CHST11: variants seen among roughly 807,000 people sequenced by gnomAD.
CHST11 encodes the protein C4S-1.
In CHST11, 9 loss-of-function variants were observed where a neutral mutation model predicts 30.4. The ratio of observed to expected loss-of-function variants is 0.30; its 90% CI spans 0.18 to 0.52. CHST11 has a LOEUF of 0.52. Ranked by LOEUF, CHST11 falls within the 20% of genes least tolerant of loss-of-function variation. The pLI is 0.97. For missense variants in CHST11, 348 were observed against 460.6 expected, an observed-to-expected ratio of 0.76 and a Z score of 2.24; for synonymous variants, 152 against 187.8, an observed-to-expected ratio of 0.81 and a Z score of 1.56.
At chr12:104,658,036 G>A (rs775024253) in intron 2 of CHST11, among the ~76,000 whole-genome samples, 5 of 152,150 alleles carry the variant, frequency 3.3e-5, no homozygotes, top group African/African-American at 4.8e-5. Flanking sequence ...CAGACCCGCC[G>A]AGGCCAGCCA....
intron 1 of CHST11, among the ~76,000 whole-genome samples, chr12:104,510,462 T>C (rs571396336): frequency 2.6e-5 from 4 of 152,344 alleles, no homozygotes; most frequent in South Asian, 2.1e-4. Context: ...GACTGAATGT[T>C]TATATGGCTG....
intron 1 of CHST11, among the ~76,000 whole-genome samples, chr12:104,470,121 C>T (rs908179110): frequency 1.3e-5 from 2 of 152,334 alleles, no homozygotes; most frequent in African/African-American, 4.8e-5. Context: ...TGCTGTTAAA[C>T]ATCCTACAAT....
chr12:104,706,110 A>G (rs879874138), intron 2 of CHST11, among the ~76,000 whole-genome samples: 3 of 151,738 alleles, frequency 2.0e-5, no homozygotes, highest in Non-Finnish European at 4.4e-5. Context: ...ATTGGTGGGT[A>G]CAGTGGCTCA....
intron 1 of CHST11, among the ~76,000 whole-genome samples, chr12:104,538,440 G>A (rs970830494): frequency 2.6e-5 from 4 of 152,038 alleles, no homozygotes; most frequent in African/African-American, 4.8e-5. Context: ...AGTAGTGTTC[G>A]TTGAGTTTTT....
chr12:104,509,063 A>G (rs147530505), intron 1 of CHST11, among the ~76,000 whole-genome samples: 16 of 152,252 alleles, frequency 1.1e-4, no homozygotes, highest in African/African-American at 3.9e-4. Context: ...CCCCCAAACA[A>G]GTAGTAACAT....
chr12:104,544,475 G>A (rs1184134279), intron 1 of CHST11, among the ~76,000 whole-genome samples: 1 of 152,068 alleles, frequency 6.6e-6, no homozygotes, highest in Non-Finnish European at 1.5e-5. Context: ...CCAGCACTTT[G>A]GCGGGGGGAT....
At chr12:104,502,335 T>C (rs1565965470) in intron 1 of CHST11, among the ~76,000 whole-genome samples, 1 of 152,156 alleles carries the variant, frequency 6.6e-6, no homozygotes, top group Non-Finnish European at 1.5e-5. Context: ...ATGTGAGCTA[T>C]TGTGCCCAGA....
chr12:104,510,039 G>A (rs1158386037), intron 1 of CHST11, among the ~76,000 whole-genome samples: 1 of 152,124 alleles, frequency 6.6e-6, no homozygotes, highest in African/African-American at 2.4e-5. Flanking sequence ...TTGGCATCTA[G>A]CTGGAGGGGA....
intron 2 of CHST11, among the ~76,000 whole-genome samples, chr12:104,669,239 C>A (rs2039668701): frequency 1.3e-5 from 2 of 152,212 alleles, no homozygotes; most frequent in Admixed American, 1.3e-4. Flanking sequence ...CCCGCCAGCT[C>A]CACGCCCTCC....
chr12:104,633,861 C>G (rs2039297276), intron 2 of CHST11, among the ~76,000 whole-genome samples: 1 of 152,292 alleles, frequency 6.6e-6, no homozygotes, highest in Non-Finnish European at 1.5e-5. Context: ...ATCTTCCTGT[C>G]CTCTGCCACT....
chr12:104,645,995 C>A (rs548648470), intron 2 of CHST11, among the ~76,000 whole-genome samples: 1 of 152,230 alleles, frequency 6.6e-6, no homozygotes, highest in Non-Finnish European at 1.5e-5. Context: ...TACTCTCCAG[C>A]GCTTTGCTCA....
chr12:104,561,422 A>G (rs2038512750), intron 1 of CHST11, among the ~76,000 whole-genome samples: 2 of 152,232 alleles, frequency 1.3e-5, no homozygotes, highest in African/African-American at 2.4e-5. Context: ...GAACTGGGCC[A>G]TGTGGTGTAC....
intron 2 of CHST11, among the ~76,000 whole-genome samples, chr12:104,669,416 A>C (rs538582525): frequency 1.5e-5 from 2 of 129,130 alleles, no homozygotes; most frequent in African/African-American, 3.0e-5. Context: ...AAATGGTGCA[A>C]ATGATTTTTT....
At chr12:104,500,963 A>T (rs2037848255) in intron 1 of CHST11, among the ~76,000 whole-genome samples, 1 of 152,118 alleles carries the variant, frequency 6.6e-6, no homozygotes, top group South Asian at 2.1e-4. Flanking sequence ...TGCCCTTGTG[A>T]GGAGGTTGGA....
At chr12:104,575,188 G>A (rs1379576920) in intron 1 of CHST11, among the ~76,000 whole-genome samples, 3 of 150,612 alleles carry the variant, frequency 2.0e-5, no homozygotes, top group Non-Finnish European at 4.4e-5. Context: ...GTGAGATCCT[G>A]TCTCAAAAAA....
chr12:104,737,400 A>G lies in CHST11; in HGVS notation c.205-19549A>G, dbSNP rs113694993. On this transcript the variant is annotated intron_variant, in intron 2 of 2. Coordinates refer to ENST00000303694, the MANE Select transcript of CHST11 (RefSeq NM_018413.6). The stretch of plus-strand genomic sequence containing the variant: ...CATGAATTCAAGCCCTCTGAGCCTC[A>G]GTTGACTCATTTGTAAGTTGGGGAT... 2.5e-4 allele frequency among the ~76,000 whole-genome samples: 38 copies of G among 152,376 alleles called. 1 individual carries two copies. The highest frequency in any genetic ancestry group is 6.3e-4 in the African/African-American group (26 of 41,596).
In CHST11 at chr12:104,700,636, G is replaced by A. The variant is rs76486019; in HGVS notation, c.205-56313G>A. Among the ~76,000 whole-genome samples the A allele has an allele frequency of 4.8e-4, 73 of 152,282 alleles. 1 individual carries two copies. The East Asian group carries it at 0.014, about 28-fold the overall frequency. On this transcript the variant is annotated intron_variant, in intron 2 of 2. Coordinates refer to ENST00000303694, the MANE Select transcript of CHST11 (RefSeq NM_018413.6). ...TAATGTATGTAAAGCAATTAGCGTG[G>A]TACCTGGCACCTGGTAATACATTCA... is the stretch of plus-strand genomic sequence containing the variant.
At chr12:104,718,530 G>A (rs767026188) in intron 2 of CHST11, among the ~76,000 whole-genome samples, 2 of 152,150 alleles carry the variant, frequency 1.3e-5, no homozygotes, top group African/African-American at 4.8e-5. Context: ...ACTGCCTTCC[G>A]TGTGTTACTA....
At chr12:104,608,817 T>G (rs540707440) in intron 2 of CHST11, among the ~76,000 whole-genome samples, 1 of 152,296 alleles carries the variant, frequency 6.6e-6, no homozygotes, top group East Asian at 1.9e-4. Flanking sequence ...CTACTCCATT[T>G]GGAGGTTTGT....
Sources: gnomAD v4.1 joint callset for allele counts (sites outside exome capture counted in the v4.1 genomes callset) on GRCh38, gnomAD v4.1.1 for gene constraint, MANE v1.5 for transcripts, NCBI Gene and HGNC (gene_info 2026-07-23, HGNC 2026-07-21) for gene names.